Variants in ABLIM1 observed in about 807,000 individuals in gnomAD.
ABLIM1 encodes the protein actin binding LIM protein 1, also known as actin-binding LIM protein 1.
A neutral mutation model predicts 107.0 loss-of-function variants in ABLIM1; 40 were observed. The ratio of observed to expected loss-of-function variants is 0.37; its 90% confidence interval spans 0.29 to 0.49. The LOEUF is 0.49. ABLIM1 is among the 20% of genes least tolerant of loss of function. The pLI, the probability that ABLIM1 is intolerant of heterozygous loss-of-function variation, is 0.97. For missense variants in ABLIM1, 857 were observed against 1,008.5 expected (o/e 0.85, Z 2.04); for synonymous variants, 357 against 357.3 (o/e 1.00, Z 0.01).
At chr10:114,548,185 G>A (rs953851801) in intron 4 of ABLIM1, among the ~76,000 whole-genome samples, 6 of 152,112 alleles carry the variant, frequency 3.9e-5, no homozygotes, top group African/African-American at 1.4e-4. Flanking sequence ...CTGATGCCTC[G>A]CCTAACACTA....
At chr10:114,732,180 C>CTTTTTTTTTTTTTTTTTTTTTTTT (rs113276247) in intron 1 of ABLIM1, among the ~76,000 whole-genome samples, 2 of 109,876 alleles carry the variant, frequency 1.8e-5, no homozygotes, top group Admixed American at 9.7e-5. Context: ...CTTTTCTTTT[C>CTTTTTTTTTTTTTTTTTTTTTTTT]TTTTTTTTTT....
chr10:114,703,429 G>A (rs2081345823), intron 1 of ABLIM1, among the ~76,000 whole-genome samples: 1 of 152,188 alleles, frequency 6.6e-6, no homozygotes, highest in African/African-American at 2.4e-5. Context: ...GCAGGTCCCT[G>A]TTTTTAGTTT....
intron 1 of ABLIM1, among the ~76,000 whole-genome samples, chr10:114,723,792 T>G (rs564184658): frequency 5.4e-5 from 8 of 147,498 alleles, no homozygotes; most frequent in Non-Finnish European, 1.0e-4. Context: ...CTCTTTATAT[T>G]GTAGGTAACT....
At chr10:114,791,592 T>G in the ABLIM1 span, among the ~76,000 whole-genome samples, 1 of 150,706 alleles carries the variant, frequency 6.6e-6, no homozygotes, top group Non-Finnish European at 1.5e-5. Context: ...GAGCCAAGAT[T>G]GCGCCACTGC....
At chr10:114,595,253 T>C (rs2075302796) in intron 2 of ABLIM1, 1 of 152,178 alleles carries the variant, frequency 6.6e-6, no homozygotes. Context: ...ACATGTATAC[T>C]TAAAATGAAC....
Position 114,705,721 on chromosome 10 carries a change from G to C in ABLIM1, c.-213+62340C>G, listed in dbSNP as rs1172008442. 4.6e-5 allele frequency among the ~76,000 whole-genome samples: 7 copies of C among 152,208 alleles called. No homozygotes were observed. In the East Asian group the frequency reaches 1.3e-3, roughly 29 times the overall value. ...TCAGTGCAATGCCAAAGCAGAAAAG[G>C]TTAAGAAACTGTATCCCTACCTTCC... On this transcript the variant is annotated intron_variant, in intron 1 of 15. Coordinates refer to the ABLIM1 transcript ENST00000651092.
intron 4 of ABLIM1, among the ~76,000 whole-genome samples, chr10:114,557,729 G>A (rs1279293727): frequency 8.2e-6 from 1 of 121,500 alleles, no homozygotes. Flanking sequence ...TGGTCTTAAA[G>A]CTTGAGAGTT....
intron 1 of ABLIM1, chr10:114,690,036 A>C: frequency 4.2e-6 from 3 of 714,386 alleles, no homozygotes; most frequent in Non-Finnish European, 7.0e-6. Context: ...AGGGAACTGC[A>C]GCAAGAGCAC....
At chr10:114,542,899 G>A (rs1339202417) in intron 6 of ABLIM1, among the ~76,000 whole-genome samples, 1 of 152,208 alleles carries the variant, frequency 6.6e-6, no homozygotes, top group African/African-American at 2.4e-5. Flanking sequence ...TTCTCCAACA[G>A]CCTTCCTGGG....
At chr10:114,504,192 T>C (rs1201495066) in intron 6 of ABLIM1, among the ~76,000 whole-genome samples, 1 of 152,210 alleles carries the variant, frequency 6.6e-6, no homozygotes, top group Non-Finnish European at 1.5e-5. Context: ...CCCTTATCAA[T>C]TACTTTTGTT....
intron 1 of ABLIM1, among the ~76,000 whole-genome samples, chr10:114,725,995 GC>G (rs2081951412): frequency 6.6e-6 from 1 of 152,020 alleles, no homozygotes; most frequent in African/African-American, 2.4e-5. Context: ...TGATCTTCCC[GC>G]TTTTGCCTTT....
rs922306046 is a variant in ABLIM1, at chr10:114,629,032, C to A, written c.245-27071G>T. On this transcript the variant is annotated intron_variant, in intron 1 of 22. Coordinates refer to ENST00000533213, the MANE Select transcript of ABLIM1 (RefSeq NM_002313.7). This position sits in a 1 kb window ranked among gnomAD's most constrained non-coding sequence, Gnocchi z 4.0. ...CCCTTGAAGACATAAGAGAAATAAC[C>A]ATTTCATCAAGATTCCGGAATCAAT... Among the ~76,000 whole-genome samples, 1 of 152,058 alleles carries A rather than the reference C, an allele frequency of 6.6e-6. No individual in the cohort carries two copies. The highest frequency in any genetic ancestry group is 1.9e-4 in the East Asian group (1 of 5,172).
chr10:114,660,208 A>G (rs1268823040), upstream of ABLIM1, among the ~76,000 whole-genome samples: 1 of 152,228 alleles, frequency 6.6e-6, no homozygotes, highest in Non-Finnish European at 1.5e-5. Flanking sequence ...CAGTTTACAA[A>G]GCAGGTCAAA....
chr10:114,731,614 C>T (rs1224721116), intron 1 of ABLIM1, among the ~76,000 whole-genome samples: 1 of 151,788 alleles, frequency 6.6e-6, no homozygotes, highest in African/African-American at 2.4e-5. Context: ...TGGCTCACTG[C>T]AACCTCCACC....
At position 114,575,531 on chromosome 10, in the gene ABLIM1, A is replaced by G. The variant is rs1162826786; in HGVS notation, c.448T>C (p.Tyr150His). Reference protein sequence around the residue: ...KNGEYLCTLDYQRMYGTRCHG... With the variant: ...KNGEYLCTLDHQRMYGTRCHG... ...CAGCGTGTCCCGTACATCCGCTGGT[A>G]GTCCAGGGTGCAGAGATACTCTCCG... Residue 150 changes from tyrosine to histidine, a missense_variant, in exon 3 of 23, where the codon TAC (tyrosine) becomes CAC (histidine). Tyr to His is a moderately conservative substitution (Grantham distance 83, BLOSUM62 2). This residue lies in a region of ABLIM1 where 381 missense variants were observed against 506.9 expected (regional missense o/e 0.75). Coordinates refer to ENST00000533213, the MANE Select transcript of ABLIM1 (RefSeq NM_002313.7). 3 of 1,614,112 alleles carry G rather than the reference A, an allele frequency of 1.9e-6. No homozygotes were observed. The highest frequency in any genetic ancestry group is 3.3e-5 in the Admixed American group (2 of 59,992).
intron 1 of ABLIM1, among the ~76,000 whole-genome samples, chr10:114,745,008 G>A (rs952035940): frequency 6.6e-6 from 1 of 152,106 alleles, no homozygotes. Context: ...CAGATAGGGA[G>A]AAACAGCACC....
intron 1 of ABLIM1, among the ~76,000 whole-genome samples, chr10:114,759,586 C>T (rs1266567456): frequency 6.6e-6 from 1 of 152,194 alleles, no homozygotes; most frequent in African/African-American, 2.4e-5. Context: ...TACCTCAGCA[C>T]ACCAACTTGC....
chr10:114,487,868 A>C, intron 8 of ABLIM1, 90 bp downstream of exon 8: 1 of 1,511,180 alleles, frequency 6.6e-7, no homozygotes, highest in Non-Finnish European at 9.2e-7. Context: ...GTAAAAAGTA[A>C]TTTCACCTAA....
rs2138831183 is a variant in ABLIM1, at chr10:114,434,168, A to C, written c.*2092T>G. ...ATGGAATAAGCAAGAAGCCACTGAG[A>C]CACCAAAGGCTAAACTGCAAACTGC... On this transcript the variant is annotated 3_prime_UTR_variant, in exon 23 of 23. Coordinates refer to ENST00000533213, the MANE Select transcript of ABLIM1 (RefSeq NM_002313.7). The C allele has an allele frequency of 6.6e-6, 1 of 152,362 alleles. No homozygotes were observed. The highest frequency in any genetic ancestry group is 1.5e-5 in the Non-Finnish European group (1 of 68,068). 9.4% of individuals were successfully genotyped at this position (152,362 alleles called of 1,614,324 possible). A position where few individuals can be genotyped will look rare whatever the true frequency, so the allele number is the denominator to read the frequency against.
Sources: gnomAD v4.1 joint callset for allele counts (sites outside exome capture counted in the v4.1 genomes callset) on GRCh38, gnomAD v4.1.1 for gene constraint, gnomAD v4.1.1 regional missense constraint, Gnocchi (gnomAD v3.1) non-coding constraint, MANE v1.5 for transcripts, NCBI Gene and HGNC (gene_info 2026-07-23, HGNC 2026-07-21) for gene names.